FRMD4A: variants seen among roughly 807,000 people sequenced by gnomAD.
The protein encoded by FRMD4A is FERM domain containing 4A.
In FRMD4A, 29 loss-of-function variants were observed where a neutral mutation model predicts 129.1. That is an observed-to-expected ratio of 0.22 (90% confidence interval 0.17 to 0.31). The LOEUF (loss-of-function observed/expected upper bound fraction) is 0.31, where lower values mean the gene tolerates loss of function less well. Ranked by LOEUF, FRMD4A falls within the 10% of genes least tolerant of loss-of-function variation. The pLI, the probability that FRMD4A is intolerant of heterozygous loss-of-function variation, is 1.00. For synonymous variants in FRMD4A, 634 were observed against 571.6 expected (o/e 1.11, Z -1.56); for missense variants, 1,272 against 1,375.8 (o/e 0.92, Z 1.19).
intron 2 of FRMD4A, among the ~76,000 whole-genome samples, chr10:14,240,734 T>C (rs1844012050): frequency 6.6e-6 from 1 of 152,236 alleles, no homozygotes; most frequent in African/African-American, 2.4e-5. Flanking sequence ...AGGACTAACA[T>C]CTGAATTTCG....
At chr10:14,065,781 C>T (rs370199734) in intron 2 of FRMD4A, among the ~76,000 whole-genome samples, 1 of 152,154 alleles carries the variant, frequency 6.6e-6, no homozygotes, top group South Asian at 2.1e-4. Flanking sequence ...AAGACAGGAA[C>T]ACACTTTGTT....
chr10:13,808,151 T>C (rs917449909), intron 4 of FRMD4A, among the ~76,000 whole-genome samples: 7 of 152,200 alleles, frequency 4.6e-5, no homozygotes, highest in African/African-American at 1.7e-4. Flanking sequence ...TAAGAGTATC[T>C]TGCACTTGTA....
intron 2 of FRMD4A, among the ~76,000 whole-genome samples, chr10:14,093,702 C>T (rs11258860): frequency 6.6e-6 from 1 of 152,018 alleles, no homozygotes; most frequent in Admixed American, 6.5e-5. Context: ...GTGCTAAGAG[C>T]AGATGGCATT....
At chr10:14,051,053 A>G (rs892746088) in intron 2 of FRMD4A, among the ~76,000 whole-genome samples, 2 of 152,212 alleles carry the variant, frequency 1.3e-5, no homozygotes, top group African/African-American at 4.8e-5. Context: ...GGGGGATCTG[A>G]CACTGATTCC....
At chr10:14,308,129 A>G (rs1846414270) in intron 2 of FRMD4A, among the ~76,000 whole-genome samples, 1 of 152,254 alleles carries the variant, frequency 6.6e-6, no homozygotes, top group Non-Finnish European at 1.5e-5. Flanking sequence ...ATGAAGTTGC[A>G]TTTCTAATCC....
At chr10:14,240,275 G>T (rs532284773) in intron 2 of FRMD4A, among the ~76,000 whole-genome samples, 1 of 152,256 alleles carries the variant, frequency 6.6e-6, no homozygotes, top group South Asian at 2.1e-4. Flanking sequence ...AATCACACAG[G>T]CTGCTGCATG....
intron 13 of FRMD4A, among the ~76,000 whole-genome samples, chr10:13,705,215 A>G (rs967070559): frequency 6.6e-6 from 1 of 152,072 alleles, no homozygotes; most frequent in East Asian, 1.9e-4. Flanking sequence ...CATGACATTG[A>G]TCACTGCTGT....
At chr10:14,148,326 T>G (rs548664109) in intron 2 of FRMD4A, among the ~76,000 whole-genome samples, 9 of 152,376 alleles carry the variant, frequency 5.9e-5, no homozygotes, top group African/African-American at 1.9e-4. Context: ...GAAACTATCA[T>G]TGCATCTTTC....
chr10:13,822,257 A>T (rs2093640462), intron 3 of FRMD4A, among the ~76,000 whole-genome samples: 1 of 152,232 alleles, frequency 6.6e-6, no homozygotes, highest in African/African-American at 2.4e-5. Flanking sequence ...CAAGCATTGA[A>T]GACATCGTTA....
intron 15 of FRMD4A, chr10:13,685,358 G>C (rs905134495): frequency 1.0e-5 from 10 of 984,216 alleles, no homozygotes; most frequent in Non-Finnish European, 1.2e-5. Context: ...ATTTAACAGA[G>C]AGAGAGGAGA....
chr10:14,157,013 G>A (rs886896801), intron 2 of FRMD4A, among the ~76,000 whole-genome samples: 20 of 152,076 alleles, frequency 1.3e-4, no homozygotes, highest in African/African-American at 4.8e-4. Context: ...GTTTGATAAA[G>A]GAAAAGCTCC....
At chr10:13,862,448 T>C (rs1447096230) in intron 2 of FRMD4A, among the ~76,000 whole-genome samples, 3 of 152,218 alleles carry the variant, frequency 2.0e-5, no homozygotes, top group Admixed American at 2.0e-4. Flanking sequence ...AAAATAATCC[T>C]CATTACATAA....
At chr10:13,723,081 G>A (rs1208835246) in intron 12 of FRMD4A, among the ~76,000 whole-genome samples, 1 of 151,838 alleles carries the variant, frequency 6.6e-6, no homozygotes, top group Non-Finnish European at 1.5e-5. Context: ...TCTCCAAGCT[G>A]GTTAGCTAGT....
At chr10:14,095,200 A>G (rs1836886000) in intron 2 of FRMD4A, among the ~76,000 whole-genome samples, 1 of 152,238 alleles carries the variant, frequency 6.6e-6, no homozygotes, top group Admixed American at 6.5e-5. Flanking sequence ...TCTAAGATTT[A>G]TTTTTTTCAC....
At chr10:14,034,363 G>T (rs942189950) in intron 2 of FRMD4A, among the ~76,000 whole-genome samples, 2 of 152,162 alleles carry the variant, frequency 1.3e-5, no homozygotes, top group Non-Finnish European at 2.9e-5. Flanking sequence ...CCTGACTATT[G>T]CTGGATCCTT....
At chr10:13,820,342 C>A (rs893214573) in intron 3 of FRMD4A, among the ~76,000 whole-genome samples, 2 of 152,098 alleles carry the variant, frequency 1.3e-5, no homozygotes. Flanking sequence ...CAGTGCGAAG[C>A]CTGCATTGAC....
chr10:13,951,240 G>T (rs2095368398), intron 2 of FRMD4A, among the ~76,000 whole-genome samples: 1 of 152,166 alleles, frequency 6.6e-6, no homozygotes, highest in Admixed American at 6.5e-5. Flanking sequence ...AGAGGTCAAG[G>T]TTATGAGGGC....
At chr10:13,868,667 T>TA (rs1564941958) in intron 2 of FRMD4A, among the ~76,000 whole-genome samples, 24 of 152,026 alleles carry the variant, frequency 1.6e-4, no homozygotes, top group African/African-American at 5.8e-4. Context: ...GGCATGGCGG[T>TA]GTGTGCCTAT....
chr10:14,043,346 AG>A (rs1833859692), intron 2 of FRMD4A, among the ~76,000 whole-genome samples: 1 of 152,220 alleles, frequency 6.6e-6, no homozygotes, highest in Non-Finnish European at 1.5e-5. Context: ...TGATACTCAA[AG>A]GAAATGTCTG....
Sources: gnomAD v4.1 joint callset for allele counts (sites outside exome capture counted in the v4.1 genomes callset) on GRCh38, gnomAD v4.1.1 for gene constraint, MANE v1.5 for transcripts, NCBI Gene and HGNC (gene_info 2026-07-23, HGNC 2026-07-21) for gene names.